Variants in QRFPR observed in about 807,000 individuals in gnomAD.
QRFPR encodes pyroglutamylated RFamide peptide receptor, also known as pyroglutamylated RF-amide peptide receptor.
Under a neutral mutation model 31.3 loss-of-function variants are expected in QRFPR, and 37 were observed. The observed-to-expected ratio is 1.18, with a 90% CI of 0.91 to 1.56. The LOEUF (loss-of-function observed/expected upper bound fraction) is 1.56, where lower values mean the gene tolerates loss of function less well. Among genes scored for constraint, QRFPR ranks in the 40% most tolerant of loss-of-function variants. QRFPR has a pLI of 0.00. For missense variants in QRFPR, 542 were observed against 532.5 expected, an observed-to-expected ratio of 1.02 and a Z score of -0.18; for synonymous variants, 197 against 192.0, an observed-to-expected ratio of 1.03 and a Z score of -0.22.
chr4:121,339,716 A>G (rs1026868413), intron 2 of QRFPR, among the ~76,000 whole-genome samples: 1 of 152,088 alleles, frequency 6.6e-6, no homozygotes, highest in African/African-American at 2.4e-5. Flanking sequence ...GAGTACAAGG[A>G]GAGGCCAAGG....
chr4:121,333,166 C>G, intron 3 of QRFPR, 110 bp from the exon 4 acceptor site: 1 of 676,212 alleles, frequency 1.5e-6, no homozygotes, highest in South Asian at 2.0e-5. Context: ...CAAATTTGTC[C>G]CCAGCACGTA....
At chr4:121,379,737 A>G (rs1726434526) in intron 1 of QRFPR, among the ~76,000 whole-genome samples, 1 of 152,118 alleles carries the variant, frequency 6.6e-6, no homozygotes, top group Non-Finnish European at 1.5e-5. Flanking sequence ...TAAAAGGACT[A>G]GTTCAATATA....
chr4:121,353,302 C>T (rs1725798336), intron 1 of QRFPR, among the ~76,000 whole-genome samples: 1 of 152,016 alleles, frequency 6.6e-6, no homozygotes, highest in Non-Finnish European at 1.5e-5. Context: ...TACTGTTTTC[C>T]ATAGTAGCTA....
At chr4:121,379,998 T>G (rs1726440424) in intron 1 of QRFPR, among the ~76,000 whole-genome samples, 1 of 151,926 alleles carries the variant, frequency 6.6e-6, no homozygotes, top group South Asian at 2.1e-4. Context: ...TCGGGACCTT[T>G]CCGAAGCTTT....
Position 121,329,491 on chromosome 4 carries a change from T to G in QRFPR, c.1119A>C (p.Lys373Asn). The change falls in exon 6 of 6, where the codon AAA becomes AAC. Residue 373 changes from lysine to asparagine, a missense_variant. Coordinates refer to ENST00000394427, the MANE Select transcript of QRFPR (RefSeq NM_198179.3). ...GNSGITMMRK[K>N]AKFSLRENPV... ...GATTCTCTCTGAGGGAAAACTTTGC[T>G]TTCTTCCGCATCATTGTAATTCCTG... is the stretch of plus-strand genomic sequence containing the variant. 1 of 1,614,180 alleles carries G rather than the reference T, an allele frequency of 6.2e-7. No homozygotes were observed. The highest frequency in any genetic ancestry group is 1.1e-5 in the South Asian group (1 of 91,086).
chr4:121,362,938 A>T (rs1702176991), intron 1 of QRFPR, among the ~76,000 whole-genome samples: 1 of 150,362 alleles, frequency 6.7e-6, no homozygotes, highest in Non-Finnish European at 1.5e-5. Context: ...TCTTTCAAAA[A>T]CTTCAGGCTT....
chr4:121,345,609 A>G (rs750564233), intron 1 of QRFPR, among the ~76,000 whole-genome samples: 12 of 152,062 alleles, frequency 7.9e-5, no homozygotes, highest in South Asian at 2.1e-4. Context: ...TTCCATTTCT[A>G]CTATGTCTGA....
intron 3 of QRFPR, among the ~76,000 whole-genome samples, chr4:121,333,380 A>G (rs1168416295): frequency 6.6e-6 from 1 of 152,194 alleles, no homozygotes; most frequent in Non-Finnish European, 1.5e-5. Flanking sequence ...AGAGCACTAT[A>G]TTTGCCAAAG....
chr4:121,360,273 A>T (rs1363842507), intron 1 of QRFPR, among the ~76,000 whole-genome samples: 1 of 152,214 alleles, frequency 6.6e-6, no homozygotes, highest in African/African-American at 2.4e-5. Context: ...AGGCTCACCT[A>T]CATACAGACA....
At chr4:121,337,804 T>G (rs1261006819) in intron 2 of QRFPR, among the ~76,000 whole-genome samples, 1 of 152,082 alleles carries the variant, frequency 6.6e-6, no homozygotes, top group Admixed American at 6.5e-5. Context: ...ACGAACTTGT[T>G]GAGAGGGATT....
chr4:121,376,747 C>T (rs1726360855), intron 1 of QRFPR, among the ~76,000 whole-genome samples: 1 of 152,208 alleles, frequency 6.6e-6, no homozygotes. Context: ...TGGGCTGGGG[C>T]TGGCGCAGGC....
intron 1 of QRFPR, among the ~76,000 whole-genome samples, chr4:121,365,909 A>G (rs1426185843): frequency 4.8e-5 from 7 of 146,818 alleles, no homozygotes; most frequent in Non-Finnish European, 1.0e-4. Context: ...ATGAATATGT[A>G]TATATATTAG....
rs141148676 is a variant in QRFPR at position 121,380,434 on chromosome 4, G to A, written c.214C>T (p.Arg72Cys). 3.2e-4 allele frequency: 523 copies of A among 1,614,064 alleles called. 1 individual carries two copies. The highest frequency in any genetic ancestry group is 3.6e-4 in the Non-Finnish European group (420 of 1,180,014). Residue 72 changes from arginine to cysteine, a missense_variant, in exon 1 of 6, where the codon CGC becomes TGC. Transcript: ENST00000394427. Reference protein sequence around the residue: ...GNALVFYVVTRSKAMRTVTNI... With the variant: ...GNALVFYVVTCSKAMRTVTNI... Reference sequence around the variant, plus strand: ...GTGACGGTGCGCATGGCCTTGCTGCGGGTCACCACGTAGAACACCAGAGCA... The same window carrying A: ...GTGACGGTGCGCATGGCCTTGCTGCAGGTCACCACGTAGAACACCAGAGCA...
In QRFPR at chr4:121,380,904, G is replaced by A; in HGVS notation, c.-257C>T. 4.1e-6 allele frequency: 2 copies of A among 485,756 alleles called. No individual in the cohort carries two copies. Among genetic ancestry groups the A allele is most frequent in the South Asian group, 3.9e-5 (1 of 25,638 alleles). 30.1% of individuals were successfully genotyped at this position (485,756 alleles called of 1,614,324 possible). On this transcript the variant is annotated 5_prime_UTR_variant, in exon 1 of 6. Transcript: ENST00000394427. Reference sequence around the variant, plus strand: ...ATCTCAGTGACCAAAAAATGTTCGCGGTTCAAATAAAGTTCTTCCCTTGCT... The same window carrying A: ...ATCTCAGTGACCAAAAAATGTTCGCAGTTCAAATAAAGTTCTTCCCTTGCT...
At chr4:121,373,036 T>C (rs1303977609) in intron 1 of QRFPR, among the ~76,000 whole-genome samples, 1 of 152,220 alleles carries the variant, frequency 6.6e-6, no homozygotes, top group Non-Finnish European at 1.5e-5. Context: ...TCTGACCTTT[T>C]CAGTTGCAGA....
chr4:121,329,111 A>C lies in QRFPR; in HGVS notation c.*203T>G. On this transcript the variant is annotated 3_prime_UTR_variant, in exon 6 of 6. Coordinates refer to ENST00000394427, the MANE Select transcript of QRFPR (RefSeq NM_198179.3). ...AAGCAGTGGGAATGAGAAGGAACACAGAAATCTGTTAAATGATTGTGATCA... is the reference window on the plus strand; with the variant it reads ...AAGCAGTGGGAATGAGAAGGAACACCGAAATCTGTTAAATGATTGTGATCA... The C allele has an allele frequency of 2.1e-6, 1 of 472,270 alleles. No homozygotes were observed. Among genetic ancestry groups the C allele is most frequent in the Non-Finnish European group, 3.6e-6 (1 of 274,026 alleles). The allele number at this position is 472,270 out of a possible 1,614,324, so 29.3% of individuals were successfully genotyped here.
In QRFPR at chr4:121,359,669, A is replaced by G. The variant is rs113721473; in HGVS notation, c.341-19059T>C. 6.1e-3 allele frequency among the ~76,000 whole-genome samples: 909 copies of G among 149,928 alleles called. 12 individuals carry two copies. Among genetic ancestry groups the G allele is most frequent in the African/African-American group, 0.02 (834 of 40,998 alleles). On this transcript the variant is annotated intron_variant, in intron 1 of 5. Transcript: ENST00000394427. ...TGTATATATATGTGTATATATATATATGTGTGTGTATATATGTGTGTATAT... is the reference window on the plus strand; with the variant it reads ...TGTATATATATGTGTATATATATATGTGTGTGTGTATATATGTGTGTATAT...
intron 2 of QRFPR, among the ~76,000 whole-genome samples, chr4:121,338,040 G>A (rs1465738545): frequency 6.6e-6 from 1 of 152,016 alleles, no homozygotes; most frequent in Non-Finnish European, 1.5e-5. Context: ...AGCCATAATT[G>A]GGGTTTATTA....
chr4:121,353,906 C>G (rs1725813220), intron 1 of QRFPR, among the ~76,000 whole-genome samples: 1 of 151,988 alleles, frequency 6.6e-6, no homozygotes, highest in Non-Finnish European at 1.5e-5. Context: ...AGATAGGGGT[C>G]TAGTTTCATT....
Sources: gnomAD v4.1 joint callset for allele counts (sites outside exome capture counted in the v4.1 genomes callset) on GRCh38, gnomAD v4.1.1 for gene constraint, MANE v1.5 for transcripts, NCBI Gene and HGNC (gene_info 2026-07-23, HGNC 2026-07-21) for gene names.